The following PELI2 variants were observed in gnomAD, a reference collection of about 807,000 sequenced individuals.
PELI2 encodes the protein E3 ubiquitin-protein ligase pellino homolog 2.
A neutral mutation model predicts 42.3 loss-of-function variants in PELI2; 23 were observed. The observed-to-expected ratio is 0.54, with a 90% CI of 0.39 to 0.77. PELI2 has a LOEUF of 0.77. Among genes scored for constraint, PELI2 ranks in the 30% least tolerant of loss-of-function variants. The pLI is 0.00. For synonymous variants in PELI2, 245 were observed against 212.2 expected (o/e 1.15, Z -1.34); for missense variants, 463 against 553.2 (o/e 0.84, Z 1.64).
chr14:56,221,600 A>AAC (rs946637439), intron 2 of PELI2, among the ~76,000 whole-genome samples: 50 of 152,328 alleles, frequency 3.3e-4, no homozygotes, highest in African/African-American at 1.2e-3. Flanking sequence ...ACTAGGCCAA[A>AAC]ACACACACCC....
intron 1 of PELI2, among the ~76,000 whole-genome samples, chr14:56,146,775 A>C (rs1421657627): frequency 1.3e-5 from 2 of 152,000 alleles, no homozygotes; most frequent in Non-Finnish European, 1.5e-5. Context: ...ATTATAAGAT[A>C]AAGGTCTTCT....
intron 1 of PELI2, among the ~76,000 whole-genome samples, chr14:56,145,180 T>C (rs998054642): frequency 2.6e-5 from 4 of 152,116 alleles, no homozygotes; most frequent in African/African-American, 9.7e-5. Flanking sequence ...GGCAGGCACA[T>C]CTTCACATGG....
At chr14:56,172,533 G>A (rs534651186) in intron 1 of PELI2, among the ~76,000 whole-genome samples, 6 of 152,304 alleles carry the variant, frequency 3.9e-5, no homozygotes, top group Admixed American at 6.5e-5. Flanking sequence ...ATAGGAGAGC[G>A]GCTGGGAGAC....
intron 2 of PELI2, among the ~76,000 whole-genome samples, chr14:56,269,256 C>T (rs753566181): frequency 7.2e-5 from 11 of 151,964 alleles, no homozygotes; most frequent in Non-Finnish European, 1.5e-4. Flanking sequence ...GCCTGGCCAA[C>T]GTGGAGAAAA....
intron 2 of PELI2, among the ~76,000 whole-genome samples, chr14:56,186,894 T>C (rs1156984336): frequency 1.3e-5 from 2 of 152,218 alleles, no homozygotes; most frequent in African/African-American, 4.8e-5. Flanking sequence ...TTTATAATTA[T>C]GCTTCTACTC....
intron 2 of PELI2, among the ~76,000 whole-genome samples, chr14:56,245,104 A>C (rs1275928766): frequency 2.0e-5 from 3 of 152,218 alleles, no homozygotes. Context: ...TGCATCTCCC[A>C]GACTTAAAGG....
chr14:56,153,313 C>G (rs1884430125), intron 1 of PELI2, among the ~76,000 whole-genome samples: 1 of 152,042 alleles, frequency 6.6e-6, no homozygotes, highest in Non-Finnish European at 1.5e-5. Context: ...TATGAGAGAT[C>G]CCGATCTATC....
At chr14:56,161,083 C>T (rs242413) in intron 1 of PELI2, among the ~76,000 whole-genome samples, 63,900 of 152,022 alleles carry the variant, frequency 0.42, 15,550 homozygotes, top group African/African-American at 0.68. Flanking sequence ...GATGAACTTA[C>T]GTTGTCACAC....
At chr14:56,215,925 A>G (rs1324958425) in intron 2 of PELI2, among the ~76,000 whole-genome samples, 5 of 152,190 alleles carry the variant, frequency 3.3e-5, no homozygotes, top group Non-Finnish European at 7.3e-5. Context: ...GTCACATTTC[A>G]CGTTGTTATG....
At chr14:56,293,966 T>C (rs538441209) in intron 5 of PELI2, among the ~76,000 whole-genome samples, 1 of 152,250 alleles carries the variant, frequency 6.6e-6, no homozygotes, top group African/African-American at 2.4e-5. Flanking sequence ...AGGCCTCCTC[T>C]GAGAATTGCC....
At chr14:56,204,931 T>A (rs920130849) in intron 2 of PELI2, among the ~76,000 whole-genome samples, 2 of 148,210 alleles carry the variant, frequency 1.3e-5, no homozygotes, top group Non-Finnish European at 3.0e-5. Flanking sequence ...CTTGGGAGGC[T>A]GAGGCAGGAG....
At chr14:56,127,644 G>A (rs1883323240) in intron 1 of PELI2, among the ~76,000 whole-genome samples, 1 of 152,198 alleles carries the variant, frequency 6.6e-6, no homozygotes, top group Non-Finnish European at 1.5e-5. Flanking sequence ...ACAGCACTCA[G>A]GGTTGGGAGA....
intron 1 of PELI2, among the ~76,000 whole-genome samples, chr14:56,138,626 C>T (rs530009143): frequency 4.6e-5 from 7 of 152,250 alleles, no homozygotes; most frequent in Admixed American, 2.6e-4. Context: ...GTCAGATCTA[C>T]GATTAGTGAC....
intron 1 of PELI2, chr14:56,119,952 T>A: frequency 2.3e-6 from 1 of 444,296 alleles, no homozygotes; most frequent in Non-Finnish European, 3.0e-6. Flanking sequence ...TGCCTTGAAG[T>A]AAGTGCTGAC....
At chr14:56,120,133 T>A (rs747382455) in intron 1 of PELI2, among the ~76,000 whole-genome samples, 14 of 152,144 alleles carry the variant, frequency 9.2e-5, no homozygotes, top group Non-Finnish European at 1.9e-4. Flanking sequence ...CTCACCTACA[T>A]CTTAATTGCA....
chr14:56,161,640 CTT>C (rs1039793698), intron 1 of PELI2, among the ~76,000 whole-genome samples: 8 of 152,178 alleles, frequency 5.3e-5, no homozygotes, highest in African/African-American at 1.9e-4. Flanking sequence ...GACAGGGTGT[CTT>C]TTTGTTTCCT....
chr14:56,189,938 A>G (rs936511157), intron 2 of PELI2, among the ~76,000 whole-genome samples: 1 of 152,238 alleles, frequency 6.6e-6, no homozygotes, highest in Non-Finnish European at 1.5e-5. Context: ...GAATGTACTT[A>G]CCAATTACAA....
rs371335649 is a variant in PELI2, at chr14:56,211,562, G to A, written c.207+33098G>A. Among the ~76,000 whole-genome samples the A allele has an allele frequency of 8.5e-5, 13 of 152,314 alleles. No individual in the cohort carries two copies. In the East Asian group the frequency reaches 2.5e-3, roughly 29 times the overall value. Reference sequence around the variant, plus strand: ...GGGATAGAGAATGTGAATGATGCCTGTATCTTCAGCTCTAGTCATAGTACT... The same window carrying A: ...GGGATAGAGAATGTGAATGATGCCTATATCTTCAGCTCTAGTCATAGTACT... On this transcript the variant is annotated intron_variant, in intron 2 of 5. Coordinates refer to ENST00000267460, the MANE Select transcript of PELI2 (RefSeq NM_021255.3).
chr14:56,249,881 AT>A (rs1254727507), intron 2 of PELI2, among the ~76,000 whole-genome samples: 1 of 152,138 alleles, frequency 6.6e-6, no homozygotes, highest in African/African-American at 2.4e-5. Flanking sequence ...GCGAATCTTG[AT>A]GTCACTGAAA....
Sources: allele counts gnomAD v4.1 joint callset (sites outside exome capture counted in the v4.1 genomes callset), GRCh38; gene constraint gnomAD v4.1.1; transcripts MANE v1.5; gene names NCBI Gene and HGNC (gene_info 2026-07-23, HGNC 2026-07-21).